The following MROH1 variants were observed in gnomAD, a reference collection of about 807,000 sequenced individuals.
MROH1 encodes the protein maestro heat-like repeat-containing protein family member 1.
A neutral mutation model predicts 116.5 loss-of-function variants in MROH1; 117 were observed. That is an observed-to-expected ratio of 1.00 (90% CI 0.86 to 1.17). MROH1 has a LOEUF of 1.17. Ranked by LOEUF, MROH1 falls within the 50% of genes most tolerant of loss-of-function variation. The probability of loss-of-function intolerance (pLI) is 0.00; values close to 1 mark genes in which losing one functional copy is unlikely to be tolerated. For missense variants in MROH1, 1,873 were observed against 1,338.5 expected (o/e 1.40, Z -6.23); for synonymous variants, 921 against 583.9 (o/e 1.58, Z -8.32).
chr8:144,236,522 CTTG>C (rs1393174661), intron 14 of MROH1, among the ~76,000 whole-genome samples: 6 of 152,058 alleles, frequency 3.9e-5, no homozygotes, highest in South Asian at 2.1e-4. Context: ...GGGTGGATCA[CTTG>C]AAGTCGGGAG....
intron 1 of MROH1, among the ~76,000 whole-genome samples, chr8:144,153,220 G>T (rs2130556500): frequency 6.6e-6 from 1 of 151,314 alleles, no homozygotes; most frequent in South Asian, 2.1e-4. Flanking sequence ...TTTTGAGATG[G>T]AGTTTCACTC....
In MROH1 at chr8:144,260,237, G is replaced by A. The variant is rs894744072; in HGVS notation, c.4243G>A (p.Asp1415Asn). Residue 1415 changes from aspartate (D) to asparagine (N), a missense_variant, in exon 39 of 44, where the codon GAC becomes AAC. By Grantham distance (23) the Asp-to-Asn change is conservative (BLOSUM62 1). Coordinates refer to ENST00000326134, the MANE Select transcript of MROH1 (RefSeq NM_032450.3). ...LLTAMIGGLD[D>N]GDNPHSPVAL... ...CACAGCCATGATTGGCGGGCTGGAC[G>A]ACGGGGACAACCCTCACAGCCCAGT... is the stretch of plus-strand genomic sequence containing the variant. 2.1e-5 allele frequency: 16 copies of A among 765,882 alleles called. No homozygotes were observed. Among genetic ancestry groups the A allele is most frequent in the Admixed American group, 5.1e-5 (3 of 58,970 alleles). The allele number at this position is 765,882 out of a possible 1,614,324, so 47.4% of individuals were successfully genotyped here.
intron 35 of MROH1, among the ~76,000 whole-genome samples, chr8:144,258,549 C>T (rs1844362310): frequency 6.6e-6 from 1 of 152,206 alleles, no homozygotes; most frequent in African/African-American, 2.4e-5. Context: ...CACAGGCTGA[C>T]CTTGCTACTA....
At chr8:144,247,868 G>A (rs1442114317) in intron 31 of MROH1, among the ~76,000 whole-genome samples, 189 bp downstream of exon 31, 6 of 152,250 alleles carry the variant, frequency 3.9e-5, no homozygotes, top group Non-Finnish European at 8.8e-5. Context: ...ACCCACACCC[G>A]CCTACGCTGG....
chr8:144,152,393 ATT>A (rs141793518), intron 1 of MROH1, among the ~76,000 whole-genome samples: 115 of 145,542 alleles, frequency 7.9e-4, no homozygotes, highest in Non-Finnish European at 8.1e-4. Context: ...TTTAAAAAAA[ATT>A]TTTTTTTTTT....
intron 7 of MROH1, among the ~76,000 whole-genome samples, chr8:144,183,343 T>C (rs1378293287): frequency 6.7e-5 from 10 of 148,564 alleles, no homozygotes. Context: ...ATCAAGCTAC[T>C]GAACTCCAGC....
intron 18 of MROH1, 44 bp from the exon 19 acceptor site, chr8:144,240,057 T>C (rs1840705915): frequency 3.9e-6 from 3 of 760,886 alleles, no homozygotes; most frequent in Non-Finnish European, 7.3e-6. Flanking sequence ...TGAGCCCCAC[T>C]GGTGCGTTTT....
intron 12 of MROH1, among the ~76,000 whole-genome samples, chr8:144,219,277 C>T (rs1836208970): frequency 6.6e-6 from 1 of 152,106 alleles, no homozygotes; most frequent in Non-Finnish European, 1.5e-5. Flanking sequence ...CCGTCTCGGC[C>T]TCCCAGAGTG....
chr8:144,155,671 GC>G (rs1416316844), intron 1 of MROH1, among the ~76,000 whole-genome samples: 1 of 128,668 alleles, frequency 7.8e-6, no homozygotes. Flanking sequence ...ATGGAGTCTT[GC>G]TTTGTCACCC....
chr8:144,200,610 T>C (rs1194229070), intron 12 of MROH1, 69 bp downstream of exon 12: 10 of 1,086,014 alleles, frequency 9.2e-6, no homozygotes, highest in Non-Finnish European at 1.4e-5. Context: ...TCCTGGCAGA[T>C]TGTGTCCCTC....
chr8:144,212,892 C>T, intron 12 of MROH1: 1 of 668,198 alleles, frequency 1.5e-6, no homozygotes, highest in Non-Finnish European at 2.8e-6. Flanking sequence ...CATCTAACCT[C>T]TTTTCTGTTA....
At chr8:144,204,725 G>A (rs1410333070) in intron 12 of MROH1, among the ~76,000 whole-genome samples, 1 of 152,152 alleles carries the variant, frequency 6.6e-6, no homozygotes, top group Non-Finnish European at 1.5e-5. Context: ...ATATAGTACA[G>A]CTTATTTATT....
chr8:144,186,768 C>T lies in MROH1; in HGVS notation c.563-4016C>T, dbSNP rs574368280. Among the ~76,000 whole-genome samples the T allele has an allele frequency of 3.3e-5, 5 of 152,366 alleles. No individual in the cohort carries two copies. In the South Asian group the frequency reaches 6.2e-4, roughly 19 times the overall value. Reference sequence around the variant, plus strand: ...CTGATCGACATAAGAAGGGAAACCACATGGCCACTGCCCTTGTTTATTCTT... The same window carrying T: ...CTGATCGACATAAGAAGGGAAACCATATGGCCACTGCCCTTGTTTATTCTT... On this transcript the variant is annotated intron_variant, in intron 7 of 43. Coordinates refer to ENST00000326134, the MANE Select transcript of MROH1 (RefSeq NM_032450.3).
chr8:144,204,414 CTA>C (rs941813341), intron 12 of MROH1, among the ~76,000 whole-genome samples: 5 of 152,166 alleles, frequency 3.3e-5, no homozygotes, highest in African/African-American at 1.2e-4. Context: ...TCTATGCCGT[CTA>C]TGTCATTTTT....
chr8:144,237,242 C>T (rs1000211867), intron 14 of MROH1, among the ~76,000 whole-genome samples: 2 of 152,314 alleles, frequency 1.3e-5, no homozygotes, highest in Admixed American at 6.5e-5. Flanking sequence ...CATCTCTCTC[C>T]GCATGGACTC....
chr8:144,232,474 G>GTTTATTTATTTATTTA (rs782182419), intron 14 of MROH1, among the ~76,000 whole-genome samples: 2 of 142,670 alleles, frequency 1.4e-5, no homozygotes, highest in Non-Finnish European at 1.6e-5. Flanking sequence ...TTGTTTGTTT[G>GTTTATTTATTTATTTA]TTTATTTATT....
At chr8:144,157,989 C>CTTTTTTTTTT (rs1157662078) in intron 1 of MROH1, among the ~76,000 whole-genome samples, 39 of 88,816 alleles carry the variant, frequency 4.4e-4, no homozygotes, top group Non-Finnish European at 7.0e-4. Flanking sequence ...CTATTTCTTT[C>CTTTTTTTTTT]TTTTTTTTTT....
At chr8:144,221,844 T>C (rs1836818230) in intron 13 of MROH1, among the ~76,000 whole-genome samples, 1 of 151,486 alleles carries the variant, frequency 6.6e-6, no homozygotes, top group African/African-American at 2.4e-5. Context: ...CTCCTCGGGG[T>C]GGGGATGCTG....
At chr8:144,233,359 C>T (rs1554823462) in intron 14 of MROH1, among the ~76,000 whole-genome samples, 35 of 147,894 alleles carry the variant, frequency 2.4e-4, no homozygotes, top group Non-Finnish European at 3.0e-4. Context: ...CACCATCAAC[C>T]TTCCCTCCCC....
Sources: gnomAD v4.1 joint callset for allele counts (sites outside exome capture counted in the v4.1 genomes callset) on GRCh38, gnomAD v4.1.1 for gene constraint, MANE v1.5 for transcripts, NCBI Gene and HGNC (gene_info 2026-07-23, HGNC 2026-07-21) for gene names.